The following MTX3 variants were observed in gnomAD, a reference collection of about 807,000 sequenced individuals.
MTX3 encodes the protein metaxin 3, also known as metaxin-3.
MTX3 carries 27 observed loss-of-function variants against 42.5 expected under a neutral mutation model. The ratio of observed to expected loss-of-function variants is 0.64; its 90% CI spans 0.47 to 0.88. MTX3 has a LOEUF of 0.88. Ranked by LOEUF, MTX3 falls within the 40% of genes least tolerant of loss-of-function variation. The pLI is 0.00. For synonymous variants in MTX3, 144 were observed against 132.9 expected, an observed-to-expected ratio of 1.08 and a Z score of -0.57; for missense variants, 378 against 367.0, an observed-to-expected ratio of 1.03 and a Z score of -0.25.
Position 79,982,129 on chromosome 5 carries a change from A to AAC in MTX3, c.*1553_*1554dup, listed in dbSNP as rs755012210. On this transcript the variant is annotated 3_prime_UTR_variant, in exon 9 of 9. Transcript: ENST00000512528. ...CCTTTGAAGATGACTGACACACACA[A>AAC]ACACACACACACACACCCTGTTGTA... is the stretch of plus-strand genomic sequence containing the variant. The AAC allele has an allele frequency of 0.014, 2,667 of 183,974 alleles. 29 individuals carry two copies. The highest frequency in any genetic ancestry group is 0.022 in the Non-Finnish European group (1,929 of 87,050). The allele number at this position is 183,974 out of a possible 1,614,324, so 11.4% of individuals were successfully genotyped here.
At position 79,979,957 on chromosome 5, in the gene MTX3, G is replaced by A. The variant is rs1000644949; in HGVS notation, c.*3727C>T. 1.3e-5 allele frequency: 2 copies of A among 152,034 alleles called. No individual in the cohort carries two copies. The highest frequency in any genetic ancestry group is 4.8e-5 in the African/African-American group (2 of 41,390). The allele number at this position is 152,034 out of a possible 1,614,324, so 9.4% of individuals were successfully genotyped here. ...ATAGATAATGATACATTTAATCTAT[G>A]AATTTACTTTAAAACCACTTTTATT... On this transcript the variant is annotated 3_prime_UTR_variant, in exon 9 of 9. Coordinates refer to ENST00000512528, the MANE Select transcript of MTX3 (RefSeq NM_001363818.2).
Position 79,990,593 on chromosome 5 carries a change from C to A in MTX3, c.151+1G>T, listed in dbSNP as rs1386059467. 3.8e-6 allele frequency: 6 copies of A among 1,596,396 alleles called. No homozygotes were observed. Among genetic ancestry groups the A allele is most frequent in the East Asian group, 2.2e-5 (1 of 44,768 alleles). ...GGGGAGTGTAAAGGTTTACACTATACCTCTTGAACCTCTCCAGGTGTTATC... is the reference window on the plus strand; with the variant it reads ...GGGGAGTGTAAAGGTTTACACTATAACTCTTGAACCTCTCCAGGTGTTATC... On this transcript the variant is annotated splice_donor_variant, in intron 2 of 8. Transcript: ENST00000512528. LOFTEE classifies it high-confidence loss of function.
intron 2 of MTX3, 66 bp downstream of exon 2, chr5:79,990,528 C>T: frequency 9.5e-7 from 1 of 1,054,140 alleles, no homozygotes; most frequent in Non-Finnish European, 1.4e-6. Flanking sequence ...CTATATACCT[C>T]ACAGCTTTAA....
At position 79,977,513 on chromosome 5, in the gene MTX3, G is replaced by A. The variant is rs762280630; in HGVS notation, c.*6171C>T. 2 of 152,192 alleles carry A rather than the reference G, an allele frequency of 1.3e-5. No individual in the cohort carries two copies. The highest frequency in any genetic ancestry group is 2.9e-5 in the Non-Finnish European group (2 of 68,034). 9.4% of individuals were successfully genotyped at this position (152,192 alleles called of 1,614,324 possible). On this transcript the variant is annotated 3_prime_UTR_variant, in exon 9 of 9. Transcript: ENST00000512528. ...ACACCACAACTCAAAACCCACAGGC[G>A]AGCTTTCTCTCAAATACACATTCAA...
In MTX3 at chr5:79,976,859, T is replaced by C. The variant is rs1831263316; in HGVS notation, c.*6825A>G. ...AGTGTATTTGTACATAGTCTCTGAG[T>C]AAAATATATTCACACTCGGCAAGGC... On this transcript the variant is annotated 3_prime_UTR_variant, in exon 9 of 9. Transcript: ENST00000512528. 6.6e-6 allele frequency: 1 copy of C among 152,634 alleles called. No individual in the cohort carries two copies. The highest frequency in any genetic ancestry group is 2.1e-4 in the South Asian group (1 of 4,826). 9.5% of individuals were successfully genotyped at this position (152,634 alleles called of 1,614,324 possible).
intron 7 of MTX3, 52 bp downstream of exon 7, chr5:79,986,898 C>T: frequency 6.4e-7 from 1 of 1,562,286 alleles, no homozygotes; most frequent in Non-Finnish European, 8.7e-7. Flanking sequence ...TTTGCTTATA[C>T]ATACATAGGA....
intron 6 of MTX3, 76 bp from the exon 7 acceptor site, chr5:79,987,183 T>C: frequency 5.9e-6 from 8 of 1,353,654 alleles, no homozygotes; most frequent in Non-Finnish European, 7.3e-6. Flanking sequence ...CTCATGCCTG[T>C]AATCCCAGTA....
chr5:79,988,863 G>A (rs1831559911), intron 4 of MTX3, among the ~76,000 whole-genome samples: 1 of 150,910 alleles, frequency 6.6e-6, no homozygotes, highest in South Asian at 2.1e-4. Flanking sequence ...CACATAGCAG[G>A]TGTTCAATAA....
intron 3 of MTX3, among the ~76,000 whole-genome samples, chr5:79,989,917 A>G (rs938443867): frequency 6.6e-6 from 1 of 152,236 alleles, no homozygotes; most frequent in African/African-American, 2.4e-5. Flanking sequence ...ATCTACTTAC[A>G]TACAAATTTC....
intron 4 of MTX3, 39 bp downstream of exon 4, chr5:79,989,113 C>A: frequency 1.4e-6 from 2 of 1,384,332 alleles, no homozygotes; most frequent in East Asian, 2.4e-5. Flanking sequence ...ACATTTGCAA[C>A]TAGGCTACTA....
chr5:79,990,206 T>A lies in MTX3; in HGVS notation c.182A>T (p.Asp61Val), dbSNP rs769035397. 3 of 1,610,144 alleles carry A rather than the reference T, an allele frequency of 1.9e-6. No homozygotes were observed. In the African/African-American group the frequency reaches 4.0e-5, roughly 21 times the overall value. Residue 61 changes from aspartate to valine, a missense_variant, in exon 3 of 9, where the codon GAC becomes GTC. Asp to Val is a radical substitution (Grantham distance 152). Transcript: ENST00000512528. ...GDVPILTTED[D>V]MVSQPAKILN... ...TATTTTTGCTGGCTGAGAAACCATG[T>A]CGTCTTCAGTTGTCAAAATTGGTAC...
At chr5:79,984,905 A>G (rs776417622) in intron 8 of MTX3, among the ~76,000 whole-genome samples, 4 of 152,334 alleles carry the variant, frequency 2.6e-5, no homozygotes, top group Middle Eastern at 3.4e-3. Context: ...AAGAAAGGAT[A>G]AGCCCAGTGC....
In MTX3 at chr5:79,980,961, A is replaced by C. The variant is rs1248415078; in HGVS notation, c.*2723T>G. On this transcript the variant is annotated 3_prime_UTR_variant, in exon 9 of 9. Transcript: ENST00000512528. ...CGAGGCAGGTGAATCACTTGAGGTC[A>C]GGAGTTCAAGACCAGCCTGAGCAAC... 6.6e-6 allele frequency: 1 copy of C among 152,224 alleles called. No individual in the cohort carries two copies. The highest frequency in any genetic ancestry group is 1.5e-5 in the Non-Finnish European group (1 of 68,100). The allele number at this position is 152,224 out of a possible 1,614,324, so 9.4% of individuals were successfully genotyped here.
intron 6 of MTX3, among the ~76,000 whole-genome samples, chr5:79,987,780 G>A (rs1365249393): frequency 6.6e-6 from 1 of 152,066 alleles, no homozygotes; most frequent in East Asian, 1.9e-4. Context: ...GGTAGAAAAA[G>A]TTTCCTATAA....
intron 1 of MTX3, 164 bp downstream of exon 1, chr5:79,990,994 C>T: frequency 1.3e-6 from 1 of 797,222 alleles, no homozygotes. Flanking sequence ...GCGGGGGTAT[C>T]GGCCAGGTTG....
chr5:79,984,932 C>T (rs1239614307), intron 8 of MTX3, among the ~76,000 whole-genome samples: 1 of 152,026 alleles, frequency 6.6e-6, no homozygotes, highest in Non-Finnish European at 1.5e-5. Flanking sequence ...TCTTAAGAAA[C>T]ATTAAGAGAC....
chr5:79,991,139 G>C lies in MTX3; in HGVS notation c.81+19C>G. ...CCCCGCCCCTTCCTCCTGCGCCCTG[G>C]CCCGCGAGGCGGCCTCACCATCACC... is the stretch of plus-strand genomic sequence containing the variant. On this transcript the variant is annotated intron_variant, in intron 1 of 8. Transcript: ENST00000512528. 1 of 1,545,290 alleles carries C rather than the reference G, an allele frequency of 6.5e-7. No individual in the cohort carries two copies. The highest frequency in any genetic ancestry group is 2.5e-5 in the East Asian group (1 of 40,770).
In MTX3 at chr5:79,988,454, T is replaced by C; in HGVS notation, c.504+8A>G. 6.2e-7 allele frequency: 1 copy of C among 1,607,720 alleles called. No homozygotes were observed. Among genetic ancestry groups the C allele is most frequent in the African/African-American group, 1.3e-5 (1 of 74,508 alleles). On this transcript the variant is annotated splice_region_variant and intron_variant, in intron 5 of 8. Transcript: ENST00000512528. ...GGGCCCTTGCTTGAAGAATAATCCA[T>C]ACTATACCTGTGCTTCCACTTCTCG...
In MTX3 at chr5:79,982,450, T is replaced by C. The variant is rs1196521600; in HGVS notation, c.*1234A>G. 4.4e-6 allele frequency: 2 copies of C among 456,180 alleles called. 1 individual carries two copies. Among genetic ancestry groups the C allele is most frequent in the South Asian group, 3.1e-5 (2 of 64,418 alleles). The allele number at this position is 456,180 out of a possible 1,614,324, so 28.3% of individuals were successfully genotyped here. ...ATTTGCTGAGCACCACAGTAATCTT[T>C]TAAGACACTAATCAAAAACATGGTT... On this transcript the variant is annotated 3_prime_UTR_variant, in exon 9 of 9. Coordinates refer to ENST00000512528, the MANE Select transcript of MTX3 (RefSeq NM_001363818.2).
Sources: allele counts gnomAD v4.1 joint callset (sites outside exome capture counted in the v4.1 genomes callset), GRCh38; gene constraint gnomAD v4.1.1; transcripts MANE v1.5; gene names NCBI Gene and HGNC (gene_info 2026-07-23, HGNC 2026-07-21).